The following SLC2A11 variants were observed in gnomAD, a reference collection of about 807,000 sequenced individuals.
SLC2A11 encodes solute carrier family 2 member 11.
SLC2A11 carries 43 observed loss-of-function variants against 52.1 expected under a neutral mutation model. The ratio of observed to expected loss-of-function variants is 0.82; its 90% CI spans 0.65 to 1.06. The LOEUF is 1.06. SLC2A11 is among the 50% of genes least tolerant of loss of function. SLC2A11 has a pLI of 0.00. For missense variants in SLC2A11, 582 were observed against 654.2 expected (o/e 0.89, Z 1.20); for synonymous variants, 261 against 277.6 (o/e 0.94, Z 0.59).
At chr22:23,870,134 C>T in intron 3 of SLC2A11, 1 of 692,684 alleles carries the variant, frequency 1.4e-6, no homozygotes, top group Non-Finnish European at 2.7e-6. Flanking sequence ...GGGCTCATAT[C>T]TGCACCGTGG....
chr22:23,875,005 T>G, intron 3 of SLC2A11, 112 bp from the exon 4 acceptor site: 3 of 1,242,248 alleles, frequency 2.4e-6, no homozygotes, highest in Non-Finnish European at 3.2e-6. Context: ...ACTACATACA[T>G]TTGTGTGTGT....
At chr22:23,857,085 GGTGTAGGT>G, upstream of SLC2A11, 1 of 1,065,098 alleles carries the variant, frequency 9.4e-7, no homozygotes, top group Non-Finnish European at 1.4e-6. Context: ...GGGGGGGGGG[GGTGTAGGT>G]GGGGCGTGCA....
At chr22:23,877,984 T>C (rs1397164246) in intron 6 of SLC2A11, 115 bp downstream of exon 6, 4 of 1,276,574 alleles carry the variant, frequency 3.1e-6, no homozygotes, top group Non-Finnish European at 4.2e-6. Context: ...TATCCCTCTC[T>C]TTGTGCCTCA....
intron 6 of SLC2A11, chr22:23,880,413 G>A (rs999257140): frequency 6.6e-6 from 1 of 151,946 alleles, no homozygotes; most frequent in African/African-American, 2.4e-5. Flanking sequence ...CTATGTATTC[G>A]AGGTTTTTTC....
chr22:23,857,583 C>G (rs568732654), upstream of SLC2A11: 133 of 1,472,662 alleles, frequency 9.0e-5, 1 homozygote, highest in Admixed American at 9.0e-4. Context: ...CCAAACCCCC[C>G]CCCCGCGGCG....
At position 23,868,875 on chromosome 22, in the gene SLC2A11, G is replaced by A. The variant is rs534291779; in HGVS notation, c.290+234G>A. ...GAGGACTCCTGGTTTCTAATTTCATGTCTGCCAACAAGTGCTAACTGACCT... is the reference window on the plus strand; with the variant it reads ...GAGGACTCCTGGTTTCTAATTTCATATCTGCCAACAAGTGCTAACTGACCT... On this transcript the variant is annotated intron_variant, in intron 3 of 11. Transcript: ENST00000316185. The A allele has an allele frequency of 4.2e-5, 21 of 499,086 alleles. No homozygotes were observed. In the South Asian group the frequency reaches 8.2e-4, roughly 19 times the overall value. 30.9% of individuals were successfully genotyped at this position (499,086 alleles called of 1,614,324 possible). A position where few individuals can be genotyped will look rare whatever the true frequency, so the allele number is the denominator to read the frequency against.
In SLC2A11 at chr22:23,884,404, T is replaced by TC; in HGVS notation, c.1275dup (p.Gly426ArgfsTer36). On this transcript the variant is annotated frameshift_variant, in exon 11 of 12. Transcript: ENST00000316185. LOFTEE classifies it low-confidence loss of function (END_TRUNC). The surrounding 1 kb of genome is among the most constrained non-coding windows in gnomAD (Gnocchi z 4.3). The stretch of plus-strand genomic sequence containing the variant: ...CTCATGTGGATCATGCTCATCCTGG[T>TC]CGGCCTGGGATTTCCCTTTATCATG... The TC allele has an allele frequency of 6.2e-7, 1 of 1,613,898 alleles. No individual in the cohort carries two copies. The highest frequency in any genetic ancestry group is 8.5e-7 in the Non-Finnish European group (1 of 1,179,934).
At chr22:23,876,028 G>C (rs1039194044) in intron 4 of SLC2A11, among the ~76,000 whole-genome samples, 35 of 152,094 alleles carry the variant, frequency 2.3e-4, no homozygotes, top group African/African-American at 8.5e-4. Flanking sequence ...ACTTTGGGGG[G>C]CTCTCCACAG....
rs572438357 is a variant in SLC2A11, at chr22:23,882,536, G to A, written c.772G>A (p.Gly258Ser). ...ELEEERAACQ[G>S]CRARRPWELF... Reference sequence around the variant, plus strand: ...GGAGGAGGAGCGCGCTGCCTGCCAGGGCTGCCGTGCCCGGCGCCCATGGGA... The same window carrying A: ...GGAGGAGGAGCGCGCTGCCTGCCAGAGCTGCCGTGCCCGGCGCCCATGGGA... Residue 258 changes from glycine to serine, a missense_variant, in exon 7 of 12, where the codon GGC (glycine) becomes AGC (serine). Gly to Ser is a moderately conservative substitution (Grantham distance 56). Coordinates refer to ENST00000316185, the MANE Select transcript of SLC2A11 (RefSeq NM_001024939.4). 1.5e-5 allele frequency: 24 copies of A among 1,606,666 alleles called. No homozygotes were observed. In the South Asian group the frequency reaches 2.3e-4, roughly 16 times the overall value.
chr22:23,876,101 G>A (rs1230739343), intron 4 of SLC2A11, among the ~76,000 whole-genome samples: 1 of 152,158 alleles, frequency 6.6e-6, no homozygotes, highest in African/African-American at 2.4e-5. Context: ...GAGGGGGTGA[G>A]GAGGGGAGGG....
intron 6 of SLC2A11, among the ~76,000 whole-genome samples, chr22:23,878,339 T>C (rs1417148956): frequency 6.7e-6 from 1 of 150,360 alleles, no homozygotes; most frequent in Non-Finnish European, 1.5e-5. Context: ...GCTGGGCTAG[T>C]TCACAGTGTG....
chr22:23,869,869 C>T lies in SLC2A11; in HGVS notation c.290+1228C>T, dbSNP rs58823605. 4.4e-3 allele frequency: 2,758 copies of T among 629,946 alleles called. 66 individuals are homozygous for T. In the African/African-American group the frequency reaches 0.046, roughly 11 times the overall value. The allele number at this position is 629,946 out of a possible 1,614,324, so 39.0% of individuals were successfully genotyped here. A position where few individuals can be genotyped will look rare whatever the true frequency, so the allele number is the denominator to read the frequency against. On this transcript the variant is annotated intron_variant, in intron 3 of 11. Transcript: ENST00000316185. Reference sequence around the variant, plus strand: ...CTGTGTCCTCACATGGCAGAAAGGGCGAATGCTGTGTCCTCATATGGTGAA... The same window carrying T: ...CTGTGTCCTCACATGGCAGAAAGGGTGAATGCTGTGTCCTCATATGGTGAA...
intron 8 of SLC2A11, 106 bp from the exon 9 acceptor site, chr22:23,883,666 C>A: frequency 1.1e-6 from 1 of 899,494 alleles, no homozygotes; most frequent in Non-Finnish European, 1.6e-6. Flanking sequence ...CAATAAACTA[C>A]CCTCACCTCC....
intron 3 of SLC2A11, chr22:23,870,345 A>C (rs2032413139): frequency 2.9e-6 from 1 of 347,318 alleles, no homozygotes; most frequent in Non-Finnish European, 5.2e-6. Context: ...AGGGGGATGT[A>C]GTTCTTCCAT....
In SLC2A11 at chr22:23,868,598, T is replaced by C. The variant is rs1177617010; in HGVS notation, c.247T>C (p.Phe83Leu). 1 of 1,614,058 alleles carries C rather than the reference T, an allele frequency of 6.2e-7. No individual in the cohort carries two copies. The highest frequency in any genetic ancestry group is 8.5e-7 in the Non-Finnish European group (1 of 1,180,024). ...IVSLYPLGGL[F>L]GALLAGPLAI... ...GTCTCTGTATCCCCTGGGAGGCCTC[T>C]TTGGAGCACTGCTTGCAGGTCCCTT... is the stretch of plus-strand genomic sequence containing the variant. Residue 83 changes from phenylalanine (F) to leucine (L), a missense_variant, in exon 3 of 12, where the codon TTT becomes CTT. Physicochemically the swap from Phe to Leu is conservative, Grantham distance 22. Transcript: ENST00000316185.
At chr22:23,883,426 G>A (rs1414152482) in intron 8 of SLC2A11, 1 of 367,036 alleles carries the variant, frequency 2.7e-6, no homozygotes, top group Non-Finnish European at 4.9e-6. Flanking sequence ...AACCGAGATT[G>A]TGCCACTGCA....
At position 23,882,653 on chromosome 22, in the gene SLC2A11, C is replaced by A. The variant is rs748147241; in HGVS notation, c.882+7C>A. The A allele has an allele frequency of 5.0e-6, 8 of 1,609,472 alleles. No homozygotes were observed. The highest frequency in any genetic ancestry group is 1.1e-5 in the South Asian group (1 of 90,642). Reference sequence around the variant, plus strand: ...GCTCTGCGGGAATGACTCGGTGAGACCCCTGCCCCGCCGCACACCCTGGGC... The same window carrying A: ...GCTCTGCGGGAATGACTCGGTGAGAACCCTGCCCCGCCGCACACCCTGGGC... On this transcript the variant is annotated splice_region_variant and intron_variant, in intron 7 of 11. Transcript: ENST00000316185.
At position 23,884,597 on chromosome 22, in the gene SLC2A11, T is replaced by C. The variant is rs2032939271; in HGVS notation, c.1300-52T>C. On this transcript the variant is annotated intron_variant, in intron 11 of 11. Coordinates refer to ENST00000316185, the MANE Select transcript of SLC2A11 (RefSeq NM_001024939.4). This position sits in a 1 kb window ranked among gnomAD's most constrained non-coding sequence, Gnocchi z 4.3. ...CTCACGACCTGTCATGGGCCTTCTG[T>C]TTAGGGGTTGATGGAGACACACCAG... The C allele has an allele frequency of 3.2e-6, 5 of 1,578,524 alleles. No homozygotes were observed. The highest frequency in any genetic ancestry group is 4.3e-6 in the Non-Finnish European group (5 of 1,161,094).
intron 5 of SLC2A11, 63 bp from the exon 6 acceptor site, chr22:23,877,658 A>G: frequency 6.7e-7 from 1 of 1,502,636 alleles, no homozygotes. Context: ...GGTGGGCAGG[A>G]GAGCAGGGTG....
Sources: gnomAD v4.1 joint callset for allele counts (sites outside exome capture counted in the v4.1 genomes callset) on GRCh38, gnomAD v4.1.1 for gene constraint, Gnocchi (gnomAD v3.1) non-coding constraint, MANE v1.5 for transcripts, NCBI Gene and HGNC (gene_info 2026-07-23, HGNC 2026-07-21) for gene names.